The following NKAIN3 variants were observed in gnomAD, a reference collection of about 807,000 sequenced individuals.
NKAIN3 encodes sodium/potassium-transporting ATPase subunit beta-1-interacting protein 3.
NKAIN3 carries 25 observed loss-of-function variants against 30.2 expected under a neutral mutation model. That is an observed-to-expected ratio of 0.83 (90% confidence interval 0.60 to 1.16). The LOEUF (loss-of-function observed/expected upper bound fraction) is 1.16. NKAIN3 is among the 50% of genes most tolerant of loss of function. The pLI is 0.00. For synonymous variants in NKAIN3, 91 were observed against 89.6 expected (o/e 1.02, Z -0.09); for missense variants, 225 against 254.1 (o/e 0.89, Z 0.78).
chr8:62,966,168 A>C lies in NKAIN3; in HGVS notation c.*761A>C. ...ATTCCATTCCTGACACTGCTGTCAG[A>C]CCTAAACATACAGCTCATGGGCTTG... On this transcript the variant is annotated 3_prime_UTR_variant, in exon 7 of 7. Transcript: ENST00000623646. The C allele has an allele frequency of 1.0e-6, 1 of 985,162 alleles. No homozygotes were observed. The highest frequency in any genetic ancestry group is 1.2e-6 in the Non-Finnish European group (1 of 829,718). The allele number at this position is 985,162 out of a possible 1,614,324, so 61.0% of individuals were successfully genotyped here. A position where few individuals can be genotyped will look rare whatever the true frequency, so the allele number is the denominator to read the frequency against.
At chr8:62,937,628 G>T (rs1343006462) in intron 5 of NKAIN3, among the ~76,000 whole-genome samples, 1 of 152,058 alleles carries the variant, frequency 6.6e-6, no homozygotes, top group Non-Finnish European at 1.5e-5. Context: ...CGAGGAGAAA[G>T]AAACTCCCTA....
At chr8:62,269,231 C>T (rs1469077420) in intron 1 of NKAIN3, among the ~76,000 whole-genome samples, 1 of 152,164 alleles carries the variant, frequency 6.6e-6, no homozygotes, top group Non-Finnish European at 1.5e-5. Context: ...TGCTATATAT[C>T]AATAGCACTG....
rs374253250 is a variant in NKAIN3, at chr8:62,671,370, A to G, written c.274-75562A>G. On this transcript the variant is annotated intron_variant, in intron 3 of 6. Transcript: ENST00000623646. ...GCTTAAACATAAAAACTTAGTGCCG[A>G]GATTGTATTGACTTGAGAATAGAGA... Among the ~76,000 whole-genome samples, 4 of 152,312 alleles carry G rather than the reference A, an allele frequency of 2.6e-5. No homozygotes were observed. The East Asian group carries it at 7.7e-4, about 29-fold the overall frequency.
chr8:62,914,590 T>C (rs1822024633), intron 4 of NKAIN3, among the ~76,000 whole-genome samples: 1 of 152,212 alleles, frequency 6.6e-6, no homozygotes, highest in Non-Finnish European at 1.5e-5. Context: ...AAACACCAGA[T>C]TGATGATCGT....
intron 1 of NKAIN3, among the ~76,000 whole-genome samples, chr8:62,546,115 T>C (rs926381701): frequency 1.3e-5 from 2 of 152,190 alleles, no homozygotes; most frequent in African/African-American, 2.4e-5. Context: ...GGATAGCAGA[T>C]GAAAAGCTAC....
intron 1 of NKAIN3, among the ~76,000 whole-genome samples, chr8:62,555,696 A>G (rs1309751536): frequency 6.6e-6 from 1 of 152,120 alleles, no homozygotes; most frequent in Non-Finnish European, 1.5e-5. Context: ...TTCAAAACAA[A>G]TGAAAAGCAA....
At chr8:62,430,500 T>G (rs1215325398) in intron 1 of NKAIN3, among the ~76,000 whole-genome samples, 1 of 151,570 alleles carries the variant, frequency 6.6e-6, no homozygotes, top group African/African-American at 2.4e-5. Flanking sequence ...ATTTTTAATG[T>G]TTTGATGAAC....
intron 1 of NKAIN3, among the ~76,000 whole-genome samples, chr8:62,292,949 A>G (rs1163294776): frequency 6.6e-6 from 1 of 151,554 alleles, no homozygotes; most frequent in African/African-American, 2.4e-5. Context: ...CTTTTTTTTT[A>G]AACTTGTCTT....
intron 3 of NKAIN3, among the ~76,000 whole-genome samples, chr8:62,618,128 C>T (rs936614): frequency 0.2 from 30,857 of 152,078 alleles, 3,265 homozygotes; most frequent in East Asian, 0.34. Flanking sequence ...TGACATCTGC[C>T]AAGGGACCTT....
chr8:62,996,424 C>T (rs181326088), intron 5 of NKAIN3, among the ~76,000 whole-genome samples: 7 of 152,234 alleles, frequency 4.6e-5, no homozygotes, highest in Non-Finnish European at 7.4e-5. Context: ...TTGGGGATTA[C>T]AATTCAAGAA....
At chr8:62,417,069 C>T in intron 1 of NKAIN3, among the ~76,000 whole-genome samples, 1 of 151,076 alleles carries the variant, frequency 6.6e-6, no homozygotes. Context: ...CTTATTCATT[C>T]TTTCTATTTT....
chr8:62,432,412 T>C (rs987647341), intron 1 of NKAIN3, among the ~76,000 whole-genome samples: 2 of 152,098 alleles, frequency 1.3e-5, no homozygotes, highest in African/African-American at 4.8e-5. Context: ...TTTTAATGAA[T>C]TACTTCTGCA....
chr8:62,902,846 T>C (rs1348335156), intron 4 of NKAIN3, among the ~76,000 whole-genome samples: 1 of 152,218 alleles, frequency 6.6e-6, no homozygotes, highest in African/African-American at 2.4e-5. Context: ...TCTACTTAAA[T>C]AGGCCCCTTT....
chr8:62,812,799 G>A lies in NKAIN3; in HGVS notation c.471+65670G>A, dbSNP rs138730046. Among the ~76,000 whole-genome samples the A allele has an allele frequency of 5.5e-3, 833 of 151,884 alleles. 7 individuals are homozygous for A. The highest frequency in any genetic ancestry group is 0.019 in the African/African-American group (799 of 41,492). On this transcript the variant is annotated intron_variant, in intron 4 of 6. Transcript: ENST00000623646. ...TTTCCTCCCTGAATGATAAGATGATGTCACACTTTAACTGCCTCATGTTAT... is the reference window on the plus strand; with the variant it reads ...TTTCCTCCCTGAATGATAAGATGATATCACACTTTAACTGCCTCATGTTAT...
intron 4 of NKAIN3, among the ~76,000 whole-genome samples, chr8:62,794,388 T>C (rs1471509): frequency 0.88 from 133,109 of 152,106 alleles, 58,359 homozygotes; most frequent in Admixed American, 0.9. Flanking sequence ...CACTAATGAA[T>C]GCTATTAATA....
At chr8:62,793,951 A>T (rs1207213835) in intron 4 of NKAIN3, among the ~76,000 whole-genome samples, 1 of 152,186 alleles carries the variant, frequency 6.6e-6, no homozygotes, top group Admixed American at 6.5e-5. Flanking sequence ...CTGTTTTATT[A>T]ACCAAATGCA....
At chr8:62,702,218 T>A (rs1814361914) in intron 3 of NKAIN3, among the ~76,000 whole-genome samples, 1 of 152,202 alleles carries the variant, frequency 6.6e-6, no homozygotes, top group Admixed American at 6.5e-5. Flanking sequence ...ATATGCTCAT[T>A]CGAAGAATTT....
intron 1 of NKAIN3, among the ~76,000 whole-genome samples, chr8:62,425,550 A>T (rs937963978): frequency 6.6e-6 from 1 of 151,902 alleles, no homozygotes; most frequent in African/African-American, 2.4e-5. Context: ...CTTTGGGTTA[A>T]ATAAGGGTCT....
At chr8:62,402,705 G>A (rs1189119573) in intron 1 of NKAIN3, among the ~76,000 whole-genome samples, 1 of 152,194 alleles carries the variant, frequency 6.6e-6, no homozygotes, top group African/African-American at 2.4e-5. Flanking sequence ...CTGCAGAACT[G>A]TAAGTGAATT....
Sources: allele counts gnomAD v4.1 joint callset (sites outside exome capture counted in the v4.1 genomes callset), GRCh38; gene constraint gnomAD v4.1.1; transcripts MANE v1.5; gene names NCBI Gene and HGNC (gene_info 2026-07-23, HGNC 2026-07-21).